Variants in SLC25A13 observed in about 807,000 individuals in gnomAD.
The protein encoded by SLC25A13 is solute carrier family 25 member 13, also known as electrogenic aspartate/glutamate antiporter SLC25A13, mitochondrial.
SLC25A13 carries 70 observed loss-of-function variants against 85.5 expected under a neutral mutation model. The observed-to-expected ratio is 0.82, with a 90% CI of 0.68 to 1.00. The LOEUF is 1.00. Ranked by LOEUF, SLC25A13 falls within the 50% of genes least tolerant of loss-of-function variation. The probability of loss-of-function intolerance (pLI) is 0.00; values close to 1 mark genes in which losing one functional copy is unlikely to be tolerated. For missense variants in SLC25A13, 765 were observed against 819.8 expected (o/e 0.93, Z 0.82); for synonymous variants, 259 against 288.7 (o/e 0.90, Z 1.04).
At chr7:96,184,751 T>C (rs569521313) in intron 10 of SLC25A13, among the ~76,000 whole-genome samples, 176 bp downstream of exon 10, 1 of 152,214 alleles carries the variant, frequency 6.6e-6, no homozygotes, top group Non-Finnish European at 1.5e-5. Context: ...CCTGATCACA[T>C]GCAGGTATGG....
At chr7:96,169,896 T>C (rs1171905605) in intron 13 of SLC25A13, 149 bp downstream of exon 13, 8 of 788,158 alleles carry the variant, frequency 1.0e-5, no homozygotes, top group East Asian at 7.4e-5. Context: ...GGTTCGCCTG[T>C]CTAGGAAAAG....
chr7:96,224,123 C>T (rs558905000), intron 4 of SLC25A13, among the ~76,000 whole-genome samples: 1 of 152,300 alleles, frequency 6.6e-6, no homozygotes, highest in South Asian at 2.1e-4. Flanking sequence ...CCTGCTCACA[C>T]ACCAGGTAAG....
intron 3 of SLC25A13, among the ~76,000 whole-genome samples, chr7:96,261,325 T>C (rs1562885627): frequency 6.6e-6 from 1 of 152,304 alleles, no homozygotes; most frequent in Non-Finnish European, 1.5e-5. Context: ...GCCTGGCACA[T>C]AGTTGGTGTC....
intron 5 of SLC25A13, among the ~76,000 whole-genome samples, chr7:96,196,806 T>C (rs868111432): frequency 3.9e-5 from 6 of 152,192 alleles, no homozygotes; most frequent in African/African-American, 4.8e-5. Flanking sequence ...TCTGAAGACG[T>C]GGGTTGCCTT....
chr7:96,130,586 T>G (rs1056550484), intron 15 of SLC25A13, among the ~76,000 whole-genome samples: 3 of 152,186 alleles, frequency 2.0e-5, no homozygotes, highest in African/African-American at 7.2e-5. Flanking sequence ...AGTAAATAAT[T>G]TGAAATAAAT....
intron 14 of SLC25A13, among the ~76,000 whole-genome samples, chr7:96,144,679 C>T (rs1363429326): frequency 6.6e-6 from 1 of 152,192 alleles, no homozygotes; most frequent in Non-Finnish European, 1.5e-5. Flanking sequence ...CCATGGTTGG[C>T]AGCCTCTATT....
chr7:96,240,845 G>A (rs916927934), intron 3 of SLC25A13, among the ~76,000 whole-genome samples: 1 of 151,322 alleles, frequency 6.6e-6, no homozygotes, highest in African/African-American at 2.4e-5. Flanking sequence ...GATAATTTTA[G>A]TGATGTGATC....
chr7:96,231,161 CA>C (rs1796526312), intron 4 of SLC25A13, among the ~76,000 whole-genome samples: 2 of 152,078 alleles, frequency 1.3e-5, no homozygotes, highest in African/African-American at 2.4e-5. Flanking sequence ...TCTTGGAAGA[CA>C]ACCTAGGCAA....
intron 13 of SLC25A13, among the ~76,000 whole-genome samples, chr7:96,156,293 T>TTTTA (rs1474702111): frequency 6.6e-5 from 10 of 152,062 alleles, no homozygotes; most frequent in African/African-American, 2.2e-4. Flanking sequence ...TTGAGAAATA[T>TTTTA]TTTATTTATT....
chr7:96,278,722 A>G (rs1798553659), intron 2 of SLC25A13, among the ~76,000 whole-genome samples: 1 of 151,924 alleles, frequency 6.6e-6, no homozygotes, highest in Admixed American at 6.6e-5. Flanking sequence ...TACAGTTAAC[A>G]TTTTTTTTAG....
At chr7:96,210,599 C>T (rs1028242386) in intron 4 of SLC25A13, among the ~76,000 whole-genome samples, 3 of 152,130 alleles carry the variant, frequency 2.0e-5, no homozygotes, top group African/African-American at 7.2e-5. Flanking sequence ...TGACTTTCTT[C>T]AGTGCAAAAC....
Position 96,277,122 on chromosome 7 carries a change from T to C in SLC25A13, c.212+74A>G, listed in dbSNP as rs961751955. ...GATGGGAAGGTATACATTTAATGAC[T>C]TCCTGGTCATTAGAGCAAAAGAAAG... is the stretch of plus-strand genomic sequence containing the variant. On this transcript the variant is annotated intron_variant, in intron 3 of 17. Transcript: ENST00000265631. 2.8e-6 allele frequency: 4 copies of C among 1,438,080 alleles called. 1 individual carries two copies. In the African/African-American group the frequency reaches 5.7e-5, roughly 21 times the overall value. 89.1% of individuals were successfully genotyped at this position (1,438,080 alleles called of 1,614,324 possible).
At chr7:96,311,837 G>A (rs929597815) in intron 1 of SLC25A13, among the ~76,000 whole-genome samples, 12 of 152,086 alleles carry the variant, frequency 7.9e-5, no homozygotes, top group Non-Finnish European at 1.2e-4. Context: ...TTCTGTCTCT[G>A]ACTGACCTCT....
chr7:96,185,072 CA>C, intron 9 of SLC25A13, 61 bp from the exon 10 acceptor site: 1 of 1,324,040 alleles, frequency 7.6e-7, no homozygotes, highest in Admixed American at 2.0e-5. Context: ...GAAGATAAAA[CA>C]AAAATGACCA....
chr7:96,289,624 G>A (rs979626693), intron 2 of SLC25A13, among the ~76,000 whole-genome samples: 10 of 152,198 alleles, frequency 6.6e-5, no homozygotes, highest in African/African-American at 2.2e-4. Context: ...ACAAGCTTCA[G>A]TAGCCGATTC....
intron 10 of SLC25A13, 75 bp downstream of exon 10, chr7:96,184,852 A>G (rs921124221): frequency 1.6e-6 from 2 of 1,269,198 alleles, no homozygotes; most frequent in Non-Finnish European, 2.3e-6. Flanking sequence ...GTCCTTTAAC[A>G]TTTCAAGATG....
chr7:96,208,933 T>C lies in SLC25A13; in HGVS notation c.373A>G (p.Ile125Val). 1 of 1,614,140 alleles carries C rather than the reference T, an allele frequency of 6.2e-7. No individual in the cohort carries two copies. The highest frequency in any genetic ancestry group is 1.1e-5 in the South Asian group (1 of 91,086). The change falls in exon 5 of 18, where the codon ATT becomes GTT. Residue 125 changes from isoleucine (I) to valine (V), a missense_variant. Physicochemically the swap from Ile to Val is conservative, Grantham distance 29. Transcript: ENST00000265631. The part of the protein sequence containing the change: ...VFGQTTIHQH[I>V]PFNWDSEFVQ... ...AATTCTGAATCCCAGTTAAATGGAA[T>C]ATGTTGATGAATTGTGGTCTGTCCA... is the stretch of plus-strand genomic sequence containing the variant.
At chr7:96,196,481 T>C (rs771385491) in intron 5 of SLC25A13, among the ~76,000 whole-genome samples, 17 of 152,166 alleles carry the variant, frequency 1.1e-4, no homozygotes, top group Non-Finnish European at 1.8e-4. Context: ...AGATTGGGAA[T>C]GGATGCCAAG....
intron 5 of SLC25A13, among the ~76,000 whole-genome samples, chr7:96,201,615 A>C (rs1036498332): frequency 2.6e-5 from 4 of 152,152 alleles, no homozygotes; most frequent in Non-Finnish European, 5.9e-5. Flanking sequence ...ACTCAAACCT[A>C]AACCTAAGCA....
Sources: gnomAD v4.1 joint callset for allele counts (sites outside exome capture counted in the v4.1 genomes callset) on GRCh38, gnomAD v4.1.1 for gene constraint, MANE v1.5 for transcripts, NCBI Gene and HGNC (gene_info 2026-07-23, HGNC 2026-07-21) for gene names.